The following PARVB variants were observed in gnomAD, a reference collection of about 807,000 sequenced individuals.
PARVB encodes parvin beta, also known as beta-parvin.
In PARVB, 46 loss-of-function variants were observed where a neutral mutation model predicts 47.0. That is an observed-to-expected ratio of 0.98 (90% CI 0.77 to 1.25). The LOEUF is 1.25. PARVB is among the 50% of genes most tolerant of loss of function. The pLI is 0.00. For missense variants in PARVB, 473 were observed against 471.6 expected, an observed-to-expected ratio of 1.00 and a Z score of -0.03; for synonymous variants, 196 against 196.3, an observed-to-expected ratio of 1.00 and a Z score of 0.01.
At chr22:44,006,342 C>T (rs187275693) in intron 2 of PARVB, among the ~76,000 whole-genome samples, 93 of 152,342 alleles carry the variant, frequency 6.1e-4, no homozygotes, top group Non-Finnish European at 1.2e-3. Flanking sequence ...ATGCAGAGTC[C>T]TGGCCAGATG....
chr22:44,166,902 C>T (rs569870651), intron 12 of PARVB, among the ~76,000 whole-genome samples: 5 of 152,302 alleles, frequency 3.3e-5, no homozygotes, highest in South Asian at 4.1e-4. Context: ...GCAGTGGCTG[C>T]GGTCTCCCTG....
rs1569131326 is a variant in PARVB at position 44,119,098 on chromosome 22, G to C, written c.334G>C (p.Glu112Gln). The change falls in exon 4 of 13, where the codon GAG becomes CAG. Residue 112 changes from glutamate to glutamine, a missense_variant. Glu to Gln is a conservative substitution (Grantham distance 29, BLOSUM62 2). Coordinates refer to ENST00000338758, the MANE Select transcript of PARVB (RefSeq NM_013327.5). Reference protein sequence around the residue: ...VEERIIVKQLEEDLYDGQVLQ... With the variant: ...VEERIIVKQLQEDLYDGQVLQ... Reference sequence around the variant, plus strand: ...GGAGAGGATCATTGTGAAGCAGCTGGAGGAAGACCTGTATGACGGCCAGGT... The same window carrying C: ...GGAGAGGATCATTGTGAAGCAGCTGCAGGAAGACCTGTATGACGGCCAGGT... 1 of 1,614,142 alleles carries C rather than the reference G, an allele frequency of 6.2e-7. No homozygotes were observed. Among genetic ancestry groups the C allele is most frequent in the South Asian group, 1.1e-5 (1 of 91,084 alleles).
At chr22:44,107,125 G>A (rs997204760) in intron 3 of PARVB, 1 of 152,260 alleles carries the variant, frequency 6.6e-6, no homozygotes, top group Non-Finnish European at 1.5e-5. Context: ...ATGGACAGAT[G>A]GGCAATGCCA....
upstream of PARVB, among the ~76,000 whole-genome samples, chr22:44,023,460 G>A (rs561054883): frequency 1.8e-4 from 27 of 151,672 alleles, no homozygotes; most frequent in Non-Finnish European, 1.6e-4. Context: ...GCAGTGAGCC[G>A]AGATTGTGCC....
At chr22:44,151,138 C>T (rs529079451) in intron 9 of PARVB, 2 of 209,594 alleles carry the variant, frequency 9.5e-6, no homozygotes, top group Admixed American at 5.2e-5. Flanking sequence ...ACCTAAGATA[C>T]ATTTGCAAAT....
rs139384913 is a variant in PARVB at position 44,049,053 on chromosome 22, G to A, written c.112+24602G>A. ...GGAGTCCTCCCAGCCACATGGCCTC[G>A]GATCCGGGCTGCAGGTCCAGGCTTT... On this transcript the variant is annotated intron_variant, in intron 1 of 12. Coordinates refer to ENST00000338758, the MANE Select transcript of PARVB (RefSeq NM_013327.5). The surrounding 1 kb of genome is among the most constrained non-coding windows in gnomAD (Gnocchi z 4.0). 3.9e-3 allele frequency among the ~76,000 whole-genome samples: 600 copies of A among 152,168 alleles called. 1 individual carries two copies. Among genetic ancestry groups the A allele is most frequent in the Non-Finnish European group, 5.7e-3 (389 of 67,990 alleles).
chr22:44,068,786 C>T lies in PARVB; in HGVS notation c.113-25142C>T, dbSNP rs886773688. 6.6e-6 allele frequency among the ~76,000 whole-genome samples: 1 copy of T among 152,218 alleles called. No individual in the cohort carries two copies. The highest frequency in any genetic ancestry group is 1.9e-4 in the East Asian group (1 of 5,188). Reference sequence around the variant, plus strand: ...AGCAAAGGCAGTGGGAGGCCAATGTCTGTTGTTCAGTTTAGCTCTGAGCCA... The same window carrying T: ...AGCAAAGGCAGTGGGAGGCCAATGTTTGTTGTTCAGTTTAGCTCTGAGCCA... On this transcript the variant is annotated intron_variant, in intron 1 of 12. Transcript: ENST00000338758. The surrounding 1 kb of genome is among the most constrained non-coding windows in gnomAD (Gnocchi z 4.1).
At position 44,131,487 on chromosome 22, in the gene PARVB, A is replaced by G. The variant is rs1437954190; in HGVS notation, c.377A>G (p.Glu126Gly). The G allele has an allele frequency of 1.2e-6, 2 of 1,613,514 alleles. No individual in the cohort carries two copies. The highest frequency in any genetic ancestry group is 2.2e-5 in the East Asian group (1 of 44,842). Residue 126 changes from glutamate to glycine, a missense_variant and splice_region_variant, in exon 5 of 13, where the codon GAA becomes GGA. Physicochemically the swap from Glu to Gly is moderately conservative, Grantham distance 98 (BLOSUM62 -2). Transcript: ENST00000338758. ...YDGQVLQKLLEKLAGCKLNVA... is the reference protein window; with the variant it reads ...YDGQVLQKLLGKLAGCKLNVA... ...TCTTCTCTTGTGCTTCTCATTGCAG[A>G]AAAACTGGCAGGGTGCAAGCTGAAT...
At chr22:44,076,227 A>C (rs1455499366) in intron 1 of PARVB, among the ~76,000 whole-genome samples, 2 of 152,194 alleles carry the variant, frequency 1.3e-5, no homozygotes, top group Non-Finnish European at 2.9e-5. Flanking sequence ...GCCCCATGGC[A>C]GCTGAGTCGT....
chr22:44,019,987 C>T (rs548977671), upstream of PARVB, among the ~76,000 whole-genome samples: 3 of 152,046 alleles, frequency 2.0e-5, no homozygotes, highest in African/African-American at 7.3e-5. Flanking sequence ...TCTCACACCA[C>T]AAGTGTCAAC....
chr22:44,100,492 T>G (rs1241095069), intron 3 of PARVB, among the ~76,000 whole-genome samples: 1 of 152,064 alleles, frequency 6.6e-6, no homozygotes. Context: ...GATTCAGATT[T>G]AACCCTGAAA....
intron 2 of PARVB, among the ~76,000 whole-genome samples, chr22:44,000,295 C>G (rs1359929667): frequency 4.6e-5 from 7 of 152,204 alleles, no homozygotes; most frequent in Admixed American, 1.3e-4. Context: ...AACAGTGGCT[C>G]TTTGATTGTG....
chr22:44,023,220 G>C (rs1424732656), upstream of PARVB, among the ~76,000 whole-genome samples: 5 of 152,110 alleles, frequency 3.3e-5, 1 homozygote, highest in Admixed American at 3.3e-4. Flanking sequence ...AGCCCTGCCT[G>C]GGTATCTAGG....
chr22:44,043,060 A>G (rs2051048314), intron 1 of PARVB, among the ~76,000 whole-genome samples: 1 of 152,242 alleles, frequency 6.6e-6, no homozygotes, highest in Admixed American at 6.5e-5. Context: ...ACGATAGAAT[A>G]CTATTCAGCA....
intron 1 of PARVB, among the ~76,000 whole-genome samples, chr22:44,051,303 A>T (rs1348121859): frequency 6.6e-6 from 1 of 152,022 alleles, no homozygotes; most frequent in Non-Finnish European, 1.5e-5. Flanking sequence ...CTGTTGTGTC[A>T]CCCCGTCTGT....
intron 2 of PARVB, among the ~76,000 whole-genome samples, chr22:44,094,931 C>T (rs995043971): frequency 2.6e-5 from 4 of 151,536 alleles, no homozygotes; most frequent in African/African-American, 9.7e-5. Context: ...GACTCTTCTT[C>T]TTCCACACCA....
chr22:44,072,239 G>A (rs933479297), intron 1 of PARVB, among the ~76,000 whole-genome samples: 2 of 152,156 alleles, frequency 1.3e-5, no homozygotes, highest in African/African-American at 4.8e-5. Context: ...GAGGCTGAGC[G>A]AGCTCATCAT....
chr22:44,013,114 T>G lies in PARVB; in HGVS notation c.211+13441T>G, dbSNP rs1269531081. Among the ~76,000 whole-genome samples the G allele has an allele frequency of 2.6e-5, 4 of 152,096 alleles. No homozygotes were observed. The East Asian group carries it at 7.7e-4, about 29-fold the overall frequency. ...GGTTTCACCACGTTGGCCAGGCTGA[T>G]CTCAAACTCTTGACTTCAGGTGATC... On this transcript the variant is annotated intron_variant, in intron 2 of 13. Transcript: ENST00000406477.
At chr22:44,107,467 G>C (rs939827964) in intron 3 of PARVB, 1 of 152,148 alleles carries the variant, frequency 6.6e-6, no homozygotes, top group South Asian at 2.1e-4. Flanking sequence ...AGCACGTAGC[G>C]CCTAAAACCT....
Sources: allele counts gnomAD v4.1 joint callset (sites outside exome capture counted in the v4.1 genomes callset), GRCh38; gene constraint gnomAD v4.1.1; non-coding constraint Gnocchi (gnomAD v3.1); transcripts MANE v1.5; gene names NCBI Gene and HGNC (gene_info 2026-07-23, HGNC 2026-07-21).